DENND10: variants seen among roughly 807,000 people sequenced by gnomAD.
DENND10 encodes DENN domain-containing protein 10.
In DENND10, 24 loss-of-function variants were observed where a neutral mutation model predicts 43.6. The observed-to-expected ratio is 0.55, with a 90% CI of 0.40 to 0.77. DENND10 has a LOEUF of 0.77. Among genes scored for constraint, DENND10 ranks in the 30% least tolerant of loss-of-function variants. DENND10 has a pLI of 0.00. For synonymous variants in DENND10, 125 were observed against 157.6 expected (o/e 0.79, Z 1.55); for missense variants, 303 against 429.9 (o/e 0.70, Z 2.61).
At chr10:119,120,244 T>C (rs533396025) in intron 4 of DENND10, 97 bp from the exon 5 acceptor site, 31 of 707,372 alleles carry the variant, frequency 4.4e-5, no homozygotes, top group Middle Eastern at 4.2e-4. Context: ...TGAGACTCGG[T>C]CTCAAAAAAA....
chr10:119,131,692 A>G (rs1311470609), intron 7 of DENND10, among the ~76,000 whole-genome samples: 1 of 152,226 alleles, frequency 6.6e-6, no homozygotes, highest in Non-Finnish European at 1.5e-5. Flanking sequence ...AAATTAATAG[A>G]ACCATAACTG....
intron 2 of DENND10, among the ~76,000 whole-genome samples, chr10:119,111,560 G>C (rs1844976677): frequency 6.6e-6 from 1 of 151,972 alleles, no homozygotes; most frequent in South Asian, 2.1e-4. Flanking sequence ...ATGAGATTAG[G>C]GGACATTAAG....
intron 2 of DENND10, 23 bp downstream of exon 2, chr10:119,108,187 A>T: frequency 6.4e-7 from 1 of 1,563,022 alleles, no homozygotes; most frequent in Non-Finnish European, 8.8e-7. Context: ...GAAGGTAAAA[A>T]AAAAACCCCA....
At chr10:119,115,456 C>T (rs1221079192) in intron 3 of DENND10, among the ~76,000 whole-genome samples, 7 of 90,830 alleles carry the variant, frequency 7.7e-5, no homozygotes, top group Admixed American at 3.1e-4. Flanking sequence ...GGCGGGATCT[C>T]GGCTCACTGC....
chr10:119,130,790 A>G (rs186734791), intron 7 of DENND10, among the ~76,000 whole-genome samples: 1 of 152,274 alleles, frequency 6.6e-6, no homozygotes, highest in Non-Finnish European at 1.5e-5. Flanking sequence ...GGGCCTCTCC[A>G]TAGGGTTGCT....
At chr10:119,122,045 A>T (rs1845605035) in intron 5 of DENND10, among the ~76,000 whole-genome samples, 1 of 151,956 alleles carries the variant, frequency 6.6e-6, no homozygotes, top group South Asian at 2.1e-4. Context: ...GGTGGCTCAC[A>T]CCTGTAATCC....
At chr10:119,125,360 T>C (rs1845775879) in intron 6 of DENND10, among the ~76,000 whole-genome samples, 1 of 152,070 alleles carries the variant, frequency 6.6e-6, no homozygotes, top group African/African-American at 2.4e-5. Context: ...ATAATAGGTA[T>C]ATGTATTTAT....
chr10:119,135,881 A>AAAAG (rs1846332237), intron 8 of DENND10, among the ~76,000 whole-genome samples: 1 of 150,310 alleles, frequency 6.7e-6, no homozygotes, highest in Middle Eastern at 3.2e-3. Context: ...TTTTTCTTTA[A>AAAAG]AAAGAATTAT....
rs1255505585 is a variant in DENND10, at chr10:119,120,412, G to A, written c.553G>A (p.Val185Met). ...TALMLKKRIV[V>M]YHPKIEAVQE... Reference sequence around the variant, plus strand: ...ACTGATGCTAAAGAAAAGAATTGTGGTGTATCACCCCAAGATAGAAGCGGT... The same window carrying A: ...ACTGATGCTAAAGAAAAGAATTGTGATGTATCACCCCAAGATAGAAGCGGT... The change falls in exon 5 of 9, where the codon GTG becomes ATG. Residue 185 changes from valine to methionine, a missense_variant. Coordinates refer to ENST00000361432, the MANE Select transcript of DENND10 (RefSeq NM_207009.4). The A allele has an allele frequency of 6.2e-7, 1 of 1,612,878 alleles. No individual in the cohort carries two copies. Among genetic ancestry groups the A allele is most frequent in the Non-Finnish European group, 8.5e-7 (1 of 1,178,900 alleles).
At chr10:119,124,685 C>T (rs1329920333) in intron 6 of DENND10, among the ~76,000 whole-genome samples, 2 of 152,094 alleles carry the variant, frequency 1.3e-5, no homozygotes, top group Non-Finnish European at 2.9e-5. Flanking sequence ...CGCACAGCTA[C>T]ATTTACCTTT....
At chr10:119,133,608 G>A (rs1475870239) in intron 8 of DENND10, 2 of 152,258 alleles carry the variant, frequency 1.3e-5, no homozygotes, top group Non-Finnish European at 2.9e-5. Context: ...TGTGACAGAA[G>A]GGGTTGAGGT....
Position 119,104,156 on chromosome 10 carries a change from A to C in DENND10, c.14A>C (p.Glu5Ala), listed in dbSNP as rs1213708903. 4 of 1,518,518 alleles carry C rather than the reference A, an allele frequency of 2.6e-6. No individual in the cohort carries two copies. In the African/African-American group the frequency reaches 5.7e-5, roughly 22 times the overall value. The allele number at this position is 1,518,518 out of a possible 1,614,324, so 94.1% of individuals were successfully genotyped here. Reference sequence around the variant, plus strand: ...CGGCGGCGGAAGATGGCTGCGGCCGAGGTGGCGGACACTCAGCTGATGCTT... The same window carrying C: ...CGGCGGCGGAAGATGGCTGCGGCCGCGGTGGCGGACACTCAGCTGATGCTT... MAAA[E>A]VADTQLMLGV... The change falls in exon 1 of 9, where the codon GAG (glutamate) becomes GCG (alanine). Residue 5 changes from glutamate (E) to alanine (A), a missense_variant. Glu to Ala is a moderately radical substitution (Grantham distance 107). Transcript: ENST00000361432.
intron 5 of DENND10, 111 bp from the exon 6 acceptor site, chr10:119,123,358 A>G (rs1168314273): frequency 2.8e-6 from 2 of 721,242 alleles, no homozygotes; most frequent in Non-Finnish European, 4.8e-6. Flanking sequence ...GTCCCTGATT[A>G]GCTGTAGACT....
intron 4 of DENND10, 54 bp from the exon 5 acceptor site, chr10:119,120,287 T>C (rs1845503741): frequency 1.8e-6 from 2 of 1,110,310 alleles, no homozygotes; most frequent in African/African-American, 1.6e-5. Context: ...AAAAAATCTT[T>C]ATTTCTTTGC....
rs188572407 is a variant in DENND10, at chr10:119,109,473, A to G, written c.252+1309A>G. Among the ~76,000 whole-genome samples, 1,054 of 152,312 alleles carry G rather than the reference A, an allele frequency of 6.9e-3. 22 individuals are homozygous for G. Among genetic ancestry groups the G allele is most frequent in the South Asian group, 3.9e-3 (19 of 4,832 alleles). ...CCGTTTTAGGGCTAATTTATAGCCA[A>G]TAGTGCGACTATGTGAAGCATGACT... On this transcript the variant is annotated intron_variant, in intron 2 of 8. Transcript: ENST00000361432.
At chr10:119,128,363 G>A (rs7913335) in intron 6 of DENND10, among the ~76,000 whole-genome samples, 9,947 of 151,802 alleles carry the variant, frequency 0.066, 845 homozygotes, top group African/African-American at 0.19. Flanking sequence ...TAATCCCAGC[G>A]CTTTGGAAGG....
intron 1 of DENND10, among the ~76,000 whole-genome samples, chr10:119,104,446 G>A (rs1844585092): frequency 6.6e-6 from 1 of 151,298 alleles, no homozygotes; most frequent in Admixed American, 6.6e-5. Flanking sequence ...GGGAGCCCGG[G>A]GACCTCCAAG....
At chr10:119,116,872 G>A (rs1313343611) in intron 3 of DENND10, among the ~76,000 whole-genome samples, 1 of 150,690 alleles carries the variant, frequency 6.6e-6, no homozygotes, top group Non-Finnish European at 1.5e-5. Context: ...TAGAGGTGAG[G>A]TTTTGCCATG....
At chr10:119,110,990 G>A (rs1258565809) in intron 2 of DENND10, among the ~76,000 whole-genome samples, 2 of 152,034 alleles carry the variant, frequency 1.3e-5, no homozygotes, top group Non-Finnish European at 2.9e-5. Flanking sequence ...GTCTGGGTGC[G>A]GTGGCTGATG....
Sources: allele counts gnomAD v4.1 joint callset (sites outside exome capture counted in the v4.1 genomes callset), GRCh38; gene constraint gnomAD v4.1.1; transcripts MANE v1.5; gene names NCBI Gene and HGNC (gene_info 2026-07-23, HGNC 2026-07-21).